Variants in JAKMIP3 observed in about 807,000 individuals in gnomAD.
The protein encoded by JAKMIP3 is janus kinase and microtubule-interacting protein 3.
In JAKMIP3, 58 loss-of-function variants were observed where a neutral mutation model predicts 118.5. That is an observed-to-expected ratio of 0.49 (90% CI 0.40 to 0.61). The LOEUF (loss-of-function observed/expected upper bound fraction) is 0.61, where lower values mean the gene tolerates loss of function less well. JAKMIP3 is among the 20% of genes least tolerant of loss of function. The pLI is 0.00. For synonymous variants in JAKMIP3, 486 were observed against 451.2 expected (o/e 1.08, Z -0.98); for missense variants, 950 against 1,109.0 (o/e 0.86, Z 2.04).
chr10:132,105,897 T>C (rs1448375889), intron 2 of JAKMIP3, among the ~76,000 whole-genome samples: 1 of 152,192 alleles, frequency 6.6e-6, no homozygotes, highest in African/African-American at 2.4e-5. Flanking sequence ...CTGCATGGTC[T>C]GGCGGTGGAG....
At chr10:132,077,547 A>G (rs1402105018) in intron 1 of JAKMIP3, among the ~76,000 whole-genome samples, 1 of 152,214 alleles carries the variant, frequency 6.6e-6, no homozygotes, top group African/African-American at 2.4e-5. Flanking sequence ...GAGCTCATCA[A>G]TGGACTCCAG....
chr10:132,084,828 T>C (rs2042183227), intron 1 of JAKMIP3, among the ~76,000 whole-genome samples: 1 of 152,244 alleles, frequency 6.6e-6, no homozygotes, highest in Non-Finnish European at 1.5e-5. Context: ...TCTATTAAGA[T>C]GATCATGTGA....
rs9794148 is a variant in JAKMIP3 at position 132,042,937 on chromosome 10, A to T, written c.-138+6199A>T. The stretch of plus-strand genomic sequence containing the variant: ...AGACCCCATGTCTCAAAAAAAAAAA[A>T]ACAAAAATTAGCGAGTTATGGTGGC... On this transcript the variant is annotated intron_variant, in intron 1 of 23. Coordinates refer to the JAKMIP3 transcript ENST00000657785. 4.8e-3 allele frequency among the ~76,000 whole-genome samples: 715 copies of T among 148,566 alleles called. 14 individuals are homozygous for T. Among genetic ancestry groups the T allele is most frequent in the African/African-American group, 0.017 (672 of 40,472 alleles).
At chr10:132,072,655 A>C (rs1208736094) in intron 1 of JAKMIP3, among the ~76,000 whole-genome samples, 2 of 151,910 alleles carry the variant, frequency 1.3e-5, no homozygotes, top group East Asian at 3.9e-4. Context: ...TCTGCTATTT[A>C]TTTTCTGTTA....
chr10:132,159,569 CGTG>C (rs1268754853), intron 19 of JAKMIP3, among the ~76,000 whole-genome samples: 30 of 50,524 alleles, frequency 5.9e-4, no homozygotes, highest in South Asian at 1.5e-3. Context: ...GCTGGGGGGG[CGTG>C]TCTCCCTGTG....
At chr10:132,041,730 T>A (rs770702071) in intron 1 of JAKMIP3, among the ~76,000 whole-genome samples, 2 of 152,358 alleles carry the variant, frequency 1.3e-5, no homozygotes, top group Admixed American at 1.3e-4. Context: ...TCGTCCGTTA[T>A]AGCTGGCCTG....
chr10:132,104,756 G>A lies in JAKMIP3; in HGVS notation c.-53G>A. The A allele has an allele frequency of 1.3e-6, 2 of 1,534,902 alleles. No individual in the cohort carries two copies. Among genetic ancestry groups the A allele is most frequent in the Non-Finnish European group, 1.8e-6 (2 of 1,136,402 alleles). On this transcript the variant is annotated 5_prime_UTR_variant, in exon 2 of 24. Transcript: ENST00000684848. ...GGACACCCCAGCCACCCCCAGCCCAGCCCAGCCGGAGCACCCTACCCCTGG... is the reference window on the plus strand; with the variant it reads ...GGACACCCCAGCCACCCCCAGCCCAACCCAGCCGGAGCACCCTACCCCTGG...
rs184706295 is a variant in JAKMIP3, at chr10:132,101,623, T to C, written c.-137-3049T>C. ...TGACAGCCAGATGGGAATGAGTTTC[T>C]GCCGCCATCAGTGAGCACTGCACAG... is the stretch of plus-strand genomic sequence containing the variant. On this transcript the variant is annotated intron_variant, in intron 1 of 23. Coordinates refer to ENST00000684848, the MANE Select transcript of JAKMIP3 (RefSeq NM_001323087.2). 8.5e-5 allele frequency among the ~76,000 whole-genome samples: 13 copies of C among 152,300 alleles called. 1 individual carries two copies. Among genetic ancestry groups the C allele is most frequent in the Admixed American group, 5.9e-4 (9 of 15,296 alleles).
At chr10:132,115,298 C>T (rs1024747682) in intron 2 of JAKMIP3, among the ~76,000 whole-genome samples, 3 of 152,078 alleles carry the variant, frequency 2.0e-5, no homozygotes, top group Non-Finnish European at 4.4e-5. Context: ...CCTGGCGGGG[C>T]ACTGATCATG....
At chr10:132,157,319 A>G (rs1375801468) in intron 19 of JAKMIP3, among the ~76,000 whole-genome samples, 1 of 152,112 alleles carries the variant, frequency 6.6e-6, no homozygotes, top group Admixed American at 6.6e-5. Context: ...GACTGTGCAC[A>G]GCCAGGGCGC....
intron 9 of JAKMIP3, 110 bp from the exon 10 acceptor site, chr10:132,140,341 T>G: frequency 3.4e-6 from 5 of 1,474,120 alleles, no homozygotes; most frequent in Non-Finnish European, 4.7e-6. Context: ...TGGGAGTGTG[T>G]CGCAGGGTGG....
At chr10:132,099,133 C>G (rs535454895) in intron 1 of JAKMIP3, among the ~76,000 whole-genome samples, 1 of 152,068 alleles carries the variant, frequency 6.6e-6, no homozygotes, top group African/African-American at 2.4e-5. Flanking sequence ...TCCTCTGCAT[C>G]GCGTGGTGGT....
At chr10:132,101,659 G>A (rs987064572) in intron 1 of JAKMIP3, among the ~76,000 whole-genome samples, 4 of 152,050 alleles carry the variant, frequency 2.6e-5, no homozygotes, top group Non-Finnish European at 5.9e-5. Context: ...AGAGTGGTGC[G>A]GCAGCCAGGA....
intron 23 of JAKMIP3, among the ~76,000 whole-genome samples, chr10:132,172,139 T>G (rs1440482905): frequency 5.3e-5 from 8 of 152,166 alleles, no homozygotes; most frequent in Non-Finnish European, 1.2e-4. Flanking sequence ...TCCTCGTCAC[T>G]CTTGGCCTCG....
At position 132,097,934 on chromosome 10, in the gene JAKMIP3, C is replaced by CCCCTTT. The variant is rs1365496996; in HGVS notation, c.-137-6728_-137-6723dup. On this transcript the variant is annotated intron_variant, in intron 1 of 23. Transcript: ENST00000684848. ...TTCCCCTTCCCCTTTCCTTCCCCTT[C>CCCCTTT]CCCTTTCCCTTTCCCATCCCCTTTC... Among the ~76,000 whole-genome samples, 6 of 34,438 alleles carry CCCCTTT rather than the reference C, an allele frequency of 1.7e-4. 2 individuals carry two copies. The highest frequency in any genetic ancestry group is 3.7e-4 in the Non-Finnish European group (6 of 16,384). The allele number at this position is 34,438 out of a possible 152,430, so 22.6% of individuals were successfully genotyped here.
At position 132,168,443 on chromosome 10, in the gene JAKMIP3, C is replaced by A. The variant is rs1330780420; in HGVS notation, c.*513C>A. ...ACCTTCATTCAGGGGAACCTGGAGG[C>A]TCCCTGGGATGGTCCTGGGAGGGCT... On this transcript the variant is annotated 3_prime_UTR_variant, in exon 23 of 24. Transcript: ENST00000684848. The A allele has an allele frequency of 8.7e-6, 11 of 1,266,676 alleles. No individual in the cohort carries two copies. The highest frequency in any genetic ancestry group is 3.1e-6 in the Non-Finnish European group (3 of 969,622). 78.5% of individuals were successfully genotyped at this position (1,266,676 alleles called of 1,614,324 possible). A position where few individuals can be genotyped will look rare whatever the true frequency, so the allele number is the denominator to read the frequency against.
intron 1 of JAKMIP3, among the ~76,000 whole-genome samples, chr10:132,070,412 T>C (rs2039658673): frequency 6.6e-6 from 1 of 152,204 alleles, no homozygotes; most frequent in Admixed American, 6.5e-5. Flanking sequence ...CCTCCCAAAG[T>C]GCAGGGATTA....
intron 9 of JAKMIP3, among the ~76,000 whole-genome samples, chr10:132,139,047 T>TGA (rs1554946061): frequency 0.015 from 1,208 of 81,970 alleles, 19 homozygotes; most frequent in African/African-American, 0.071. Context: ...TGCTTTATGT[T>TGA]GAGTGTGTGT....
At chr10:132,048,381 C>T (rs1211920368) in intron 1 of JAKMIP3, among the ~76,000 whole-genome samples, 1 of 152,218 alleles carries the variant, frequency 6.6e-6, no homozygotes, top group African/African-American at 2.4e-5. Flanking sequence ...CGTGCTTTTC[C>T]ACTCCCTGCG....
Sources: allele counts gnomAD v4.1 joint callset (sites outside exome capture counted in the v4.1 genomes callset), GRCh38; gene constraint gnomAD v4.1.1; transcripts MANE v1.5; gene names NCBI Gene and HGNC (gene_info 2026-07-23, HGNC 2026-07-21).